RYR2: variants seen among roughly 807,000 people sequenced by gnomAD.
The protein encoded by RYR2 is ryanodine receptor 2, also known as cardiac muscle ryanodine receptor-calcium release channel.
RYR2 carries 227 observed loss-of-function variants against 601.1 expected under a neutral mutation model. The ratio of observed to expected loss-of-function variants is 0.38; its 90% CI spans 0.34 to 0.42. The LOEUF is 0.42. Among genes scored for constraint, RYR2 ranks in the 10% least tolerant of loss-of-function variants. The pLI is 1.00. For synonymous variants in RYR2, 2,223 were observed against 2,175.1 expected (o/e 1.02, Z -0.61); for missense variants, 4,646 against 6,156.5 (o/e 0.75, Z 8.21).
At chr1:237,171,868 A>G (rs985404886) in intron 1 of RYR2, among the ~76,000 whole-genome samples, 4 of 152,210 alleles carry the variant, frequency 2.6e-5, no homozygotes, top group South Asian at 2.1e-4. Flanking sequence ...GAGGTTTTCA[A>G]TGGGAATATC....
At chr1:237,123,943 A>G (rs1035883988) in intron 1 of RYR2, among the ~76,000 whole-genome samples, 1 of 152,184 alleles carries the variant, frequency 6.6e-6, no homozygotes, top group Admixed American at 6.5e-5. Context: ...CACTATTTTT[A>G]AAGCAATGCT....
At chr1:237,194,552 AGGTGCTGG>A (rs1419911553) in intron 1 of RYR2, among the ~76,000 whole-genome samples, 1 of 152,164 alleles carries the variant, frequency 6.6e-6, no homozygotes, top group Non-Finnish European at 1.5e-5. Flanking sequence ...CTAGAAAGGC[AGGTGCTGG>A]GGTGACAGAG....
At chr1:237,491,165 A>G (rs1334309425) in intron 17 of RYR2, among the ~76,000 whole-genome samples, 1 of 152,234 alleles carries the variant, frequency 6.6e-6, no homozygotes, top group Admixed American at 6.5e-5. Flanking sequence ...TAGTACCTAA[A>G]AATACCACGA....
chr1:237,268,623 T>C (rs1234320493), intron 1 of RYR2, among the ~76,000 whole-genome samples: 1 of 152,094 alleles, frequency 6.6e-6, no homozygotes, highest in Non-Finnish European at 1.5e-5. Context: ...TATTAAATAT[T>C]GGTGCTACCA....
At chr1:237,612,202 G>A (rs1677953137) in intron 36 of RYR2, among the ~76,000 whole-genome samples, 1 of 152,096 alleles carries the variant, frequency 6.6e-6, no homozygotes, top group Admixed American at 6.5e-5. Flanking sequence ...ACTAGTGTGG[G>A]ATTTTATTTA....
chr1:237,103,513 G>A (rs1233452194), intron 1 of RYR2, among the ~76,000 whole-genome samples: 1 of 152,158 alleles, frequency 6.6e-6, no homozygotes. Flanking sequence ...TGGGCCGTGG[G>A]CCTTCTGACC....
At chr1:237,495,095 T>G (rs1482376707) in intron 19 of RYR2, among the ~76,000 whole-genome samples, 2 of 152,136 alleles carry the variant, frequency 1.3e-5, no homozygotes, top group African/African-American at 4.8e-5. Context: ...AGCTAATGTG[T>G]TTTTTAAAAA....
At chr1:237,777,176 A>T (rs1262092318) in intron 87 of RYR2, among the ~76,000 whole-genome samples, 1 of 151,898 alleles carries the variant, frequency 6.6e-6, no homozygotes, top group African/African-American at 2.4e-5. Flanking sequence ...CACACGGAGA[A>T]CCCCCTCCAA....
chr1:237,142,208 C>G (rs890429591), intron 1 of RYR2, among the ~76,000 whole-genome samples: 1 of 152,196 alleles, frequency 6.6e-6, no homozygotes, highest in Non-Finnish European at 1.5e-5. Flanking sequence ...CTTGAGCACA[C>G]CTGAGAGGGG....
rs140905217 is a variant in RYR2, at chr1:237,251,809, C to T, written c.49-18688C>T. ...AACCTAACTCATCTGAAGTTGGCTTCACATTCTCCTCCCCTATCACTAACT... is the reference window on the plus strand; with the variant it reads ...AACCTAACTCATCTGAAGTTGGCTTTACATTCTCCTCCCCTATCACTAACT... On this transcript the variant is annotated intron_variant, in intron 1 of 104. Coordinates refer to ENST00000366574, the MANE Select transcript of RYR2 (RefSeq NM_001035.3). Among the ~76,000 whole-genome samples the T allele has an allele frequency of 3.3e-3, 509 of 152,306 alleles. 1 individual carries two copies. Among genetic ancestry groups the T allele is most frequent in the Non-Finnish European group, 4.9e-3 (334 of 68,030 alleles).
At chr1:237,657,917 G>A (rs1263265041) in intron 53 of RYR2, 27 bp from the exon 54 acceptor site, 4 of 1,238,776 alleles carry the variant, frequency 3.2e-6, no homozygotes, top group South Asian at 1.5e-5. Context: ...TGAAAATCAA[G>A]CTCTTTTGTC....
intron 63 of RYR2, among the ~76,000 whole-genome samples, chr1:237,697,886 A>G (rs1400084087): frequency 6.6e-6 from 1 of 152,172 alleles, no homozygotes; most frequent in African/African-American, 2.4e-5. Context: ...GAATATTTTC[A>G]TGAATAACTC....
rs995534574 is a variant in RYR2 at position 237,073,205 on chromosome 1, C to G, written c.48+30636C>G. Among the ~76,000 whole-genome samples, 4 of 152,058 alleles carry G rather than the reference C, an allele frequency of 2.6e-5. No homozygotes were observed. The East Asian group carries it at 5.8e-4, about 22-fold the overall frequency. The stretch of plus-strand genomic sequence containing the variant: ...CTATTTGACAAACATCTACGGAATG[C>G]CTGGTTTGTGGTGGGTGTTGAGAAT... On this transcript the variant is annotated intron_variant, in intron 1 of 104. Coordinates refer to ENST00000366574, the MANE Select transcript of RYR2 (RefSeq NM_001035.3).
intron 1 of RYR2, among the ~76,000 whole-genome samples, chr1:237,256,209 T>C (rs557653789): frequency 1.1e-4 from 16 of 152,302 alleles, no homozygotes; most frequent in Admixed American, 2.6e-4. Flanking sequence ...GTCTCACATT[T>C]TCTCTTGCCT....
At position 237,614,610 on chromosome 1, in the gene RYR2, C is replaced by T; in HGVS notation, c.5482C>T (p.Leu1828=). The T allele has an allele frequency of 6.2e-7, 1 of 1,614,010 alleles. No homozygotes were observed. Among genetic ancestry groups the T allele is most frequent in the East Asian group, 2.2e-5 (1 of 44,872 alleles). ...ACCTCTCATCAAGCTTTTCTATACC[C>T]TGCTGATCATGGGCATCTTTCACAA... ...FVPLIKLFYT[L]LIMGIFHNED... Residue 1828 remains leucine, a synonymous_variant, in exon 37 of 105, where the codon CTG becomes TTG. Coordinates refer to ENST00000366574, the MANE Select transcript of RYR2 (RefSeq NM_001035.3). The surrounding 1 kb of genome is among the most constrained non-coding windows in gnomAD (Gnocchi z 4.3).
At chr1:237,150,830 A>C (rs140515780) in intron 1 of RYR2, among the ~76,000 whole-genome samples, 76 of 152,296 alleles carry the variant, frequency 5.0e-4, no homozygotes, top group African/African-American at 1.8e-3. Flanking sequence ...TTGGTTTCAA[A>C]AGCTTTAATT....
chr1:237,255,257 A>T (rs1488753650), intron 1 of RYR2, among the ~76,000 whole-genome samples: 1 of 152,206 alleles, frequency 6.6e-6, no homozygotes, highest in Non-Finnish European at 1.5e-5. Flanking sequence ...ATCTCACATG[A>T]AACAGACACT....
intron 29 of RYR2, among the ~76,000 whole-genome samples, chr1:237,575,396 C>A (rs1388738835): frequency 2.0e-5 from 3 of 152,050 alleles, no homozygotes; most frequent in African/African-American, 7.2e-5. Context: ...GGGACCAAGG[C>A]TTTTTATATT....
intron 71 of RYR2, among the ~76,000 whole-genome samples, chr1:237,715,645 C>T (rs1433080167): frequency 6.6e-6 from 1 of 152,116 alleles, no homozygotes; most frequent in Non-Finnish European, 1.5e-5. Flanking sequence ...AGGTTAAAAT[C>T]AATGAAAACT....
Sources: allele counts gnomAD v4.1 joint callset (sites outside exome capture counted in the v4.1 genomes callset), GRCh38; gene constraint gnomAD v4.1.1; non-coding constraint Gnocchi (gnomAD v3.1); transcripts MANE v1.5; gene names NCBI Gene and HGNC (gene_info 2026-07-23, HGNC 2026-07-21).